KIT: variants seen among roughly 807,000 people sequenced by gnomAD.
KIT encodes mast/stem cell growth factor receptor Kit.
Under a neutral mutation model 105.7 loss-of-function variants are expected in KIT, and 16 were observed. The observed-to-expected ratio is 0.15, with a 90% CI of 0.10 to 0.23. The LOEUF (loss-of-function observed/expected upper bound fraction) is 0.23, where lower values mean the gene tolerates loss of function less well. Ranked by LOEUF, KIT falls within the 10% of genes least tolerant of loss-of-function variation. The pLI is 1.00. For synonymous variants in KIT, 438 were observed against 441.1 expected (o/e 0.99, Z 0.09); for missense variants, 858 against 1,213.8 (o/e 0.71, Z 4.36).
chr4:54,687,055 G>A (rs1421963541), intron 1 of KIT, among the ~76,000 whole-genome samples: 2 of 152,026 alleles, frequency 1.3e-5, no homozygotes, highest in African/African-American at 4.8e-5. Flanking sequence ...CAGTTTCTTC[G>A]AAAGCTCATT....
intron 1 of KIT, among the ~76,000 whole-genome samples, chr4:54,691,336 T>C (rs1345585023): frequency 6.6e-6 from 1 of 152,096 alleles, no homozygotes; most frequent in Non-Finnish European, 1.5e-5. Context: ...CAGTTGAACA[T>C]CAGTACAAGG....
chr4:54,712,264 T>A (rs953221466), intron 7 of KIT, among the ~76,000 whole-genome samples: 9 of 152,202 alleles, frequency 5.9e-5, no homozygotes, highest in African/African-American at 2.2e-4. Context: ...CTCGGGTTTT[T>A]TTATTTTTTA....
At chr4:54,738,365 A>G (rs2109817336) in intron 20 of KIT, 64 bp from the exon 21 acceptor site, 1 of 1,575,340 alleles carries the variant, frequency 6.3e-7, no homozygotes, top group Non-Finnish European at 8.7e-7. Flanking sequence ...CACTGTAAGT[A>G]TGCCTTTTGT....
At chr4:54,704,032 G>C in intron 5 of KIT, 140 bp downstream of exon 5, 1 of 811,232 alleles carries the variant, frequency 1.2e-6, no homozygotes, top group Non-Finnish European at 2.1e-6. Flanking sequence ...AATTATCCTT[G>C]TAGCCTCTTG....
At chr4:54,707,481 C>T (rs766659748) in intron 6 of KIT, among the ~76,000 whole-genome samples, 194 bp downstream of exon 6, 10 of 152,156 alleles carry the variant, frequency 6.6e-5, no homozygotes, top group Admixed American at 1.3e-4. Flanking sequence ...CTTGCACACG[C>T]ATGCACACAC....
In KIT at chr4:54,727,231, C is replaced by T. The variant is rs2109773722; in HGVS notation, c.1554C>T (p.Pro518=). 6.2e-7 allele frequency: 1 copy of T among 1,614,012 alleles called. No homozygotes were observed. Among genetic ancestry groups the T allele is most frequent in the Non-Finnish European group, 8.5e-7 (1 of 1,179,904 alleles). ...FKGNNKEQIH[P]HTLFTPLLIG... ...CTTCCATTGTAGAGCAAATCCATCC[C>T]CACACCCTGTTCACTCCTTTGCTGA... The change falls in exon 10 of 21, where the codon CCC becomes CCT. Residue 518 remains proline (P), a synonymous_variant. Coordinates refer to ENST00000288135, the MANE Select transcript of KIT (RefSeq NM_000222.3).
chr4:54,731,642 C>A (rs1722604877), intron 15 of KIT, among the ~76,000 whole-genome samples: 1 of 152,078 alleles, frequency 6.6e-6, no homozygotes, highest in Non-Finnish European at 1.5e-5. Flanking sequence ...GGGATCTTTG[C>A]TTTAATTCGC....
chr4:54,735,411 C>A (rs1722876806), intron 17 of KIT, among the ~76,000 whole-genome samples: 1 of 148,754 alleles, frequency 6.7e-6, no homozygotes, highest in African/African-American at 2.5e-5. Context: ...AGTTTTCAAT[C>A]CTAAATGGAT....
intron 1 of KIT, among the ~76,000 whole-genome samples, chr4:54,689,385 C>G (rs1043296389): frequency 3.9e-5 from 6 of 152,182 alleles, no homozygotes; most frequent in African/African-American, 1.4e-4. Context: ...TAGAGAAGAA[C>G]TTAATAGTAT....
At chr4:54,700,166 A>C (rs541895651) in intron 4 of KIT, among the ~76,000 whole-genome samples, 1 of 152,332 alleles carries the variant, frequency 6.6e-6, no homozygotes, top group East Asian at 1.9e-4. Flanking sequence ...TTCCATACTT[A>C]AAAAGAATAG....
At chr4:54,724,105 G>C (rs138338534) in intron 8 of KIT, among the ~76,000 whole-genome samples, 1 of 152,120 alleles carries the variant, frequency 6.6e-6, no homozygotes, top group Admixed American at 6.5e-5. Flanking sequence ...AGTAATGATC[G>C]CACAATTACA....
chr4:54,682,556 G>A (rs1019769596), intron 1 of KIT, among the ~76,000 whole-genome samples: 3 of 151,710 alleles, frequency 2.0e-5, no homozygotes, highest in African/African-American at 2.4e-5. Flanking sequence ...AGCCTCCTAA[G>A]CTGAGATTAC....
chr4:54,723,414 A>G (rs935153925), intron 7 of KIT, among the ~76,000 whole-genome samples, 170 bp from the exon 8 acceptor site: 3 of 152,164 alleles, frequency 2.0e-5, no homozygotes, highest in African/African-American at 7.2e-5. Context: ...GGACCCTGAC[A>G]GCCGCCTCCT....
intron 17 of KIT, among the ~76,000 whole-genome samples, chr4:54,735,036 ATG>A (rs1722844328): frequency 6.6e-6 from 1 of 152,182 alleles, no homozygotes; most frequent in Admixed American, 6.6e-5. Flanking sequence ...GTGGTGATTA[ATG>A]TAAATATGAT....
In KIT at chr4:54,739,678, A is replaced by T. The variant is rs1283288699; in HGVS notation, c.*1121A>T. 2.6e-5 allele frequency: 6 copies of T among 233,430 alleles called. No individual in the cohort carries two copies. Among genetic ancestry groups the T allele is most frequent in the African/African-American group, 1.3e-4 (6 of 45,334 alleles). 14.5% of individuals were successfully genotyped at this position (233,430 alleles called of 1,614,324 possible). A position where few individuals can be genotyped will look rare whatever the true frequency, so the allele number is the denominator to read the frequency against. On this transcript the variant is annotated 3_prime_UTR_variant, in exon 21 of 21. Coordinates refer to ENST00000288135, the MANE Select transcript of KIT (RefSeq NM_000222.3). Reference sequence around the variant, plus strand: ...TCTATATATGTGTATGTACGTTTGTATGTGTGTAGACAAATATTTGGAGGG... The same window carrying T: ...TCTATATATGTGTATGTACGTTTGTTTGTGTGTAGACAAATATTTGGAGGG...
intron 1 of KIT, among the ~76,000 whole-genome samples, 153 bp from the exon 2 acceptor site, chr4:54,695,359 A>G (rs1350784150): frequency 1.3e-5 from 2 of 152,250 alleles, no homozygotes; most frequent in African/African-American, 4.8e-5. Context: ...AAGACATTTT[A>G]GACAGAACTC....
chr4:54,658,435 G>A (rs2109523340), intron 1 of KIT, among the ~76,000 whole-genome samples: 2 of 152,188 alleles, frequency 1.3e-5, no homozygotes, highest in African/African-American at 4.8e-5. Context: ...TCAGGGGTTT[G>A]CACCGAGCGC....
intron 15 of KIT, 69 bp from the exon 16 acceptor site, chr4:54,731,802 T>C: frequency 1.3e-6 from 2 of 1,535,144 alleles, no homozygotes; most frequent in Admixed American, 3.3e-5. Context: ...GGTATGTCAT[T>C]GCCACTGTCT....
intron 2 of KIT, among the ~76,000 whole-genome samples, chr4:54,696,879 A>C (rs898805289): frequency 3.9e-5 from 6 of 152,270 alleles, no homozygotes; most frequent in African/African-American, 1.4e-4. Flanking sequence ...GAGCTAATCC[A>C]TGTGCTGTTC....
Sources: allele counts gnomAD v4.1 joint callset (sites outside exome capture counted in the v4.1 genomes callset), GRCh38; gene constraint gnomAD v4.1.1; transcripts MANE v1.5; gene names NCBI Gene and HGNC (gene_info 2026-07-23, HGNC 2026-07-21).